The following SLC16A12 variants were observed in gnomAD, a reference collection of about 807,000 sequenced individuals.
The protein encoded by SLC16A12 is monocarboxylate transporter 12.
In SLC16A12, 17 loss-of-function variants were observed where a neutral mutation model predicts 42.4. That is an observed-to-expected ratio of 0.40 (90% confidence interval 0.27 to 0.60). SLC16A12 has a LOEUF of 0.60. Ranked by LOEUF, SLC16A12 falls within the 20% of genes least tolerant of loss-of-function variation. The probability of loss-of-function intolerance (pLI) is 0.42; values close to 1 mark genes in which losing one functional copy is unlikely to be tolerated. For synonymous variants in SLC16A12, 224 were observed against 229.4 expected, an observed-to-expected ratio of 0.98 and a Z score of 0.21; for missense variants, 544 against 623.0, an observed-to-expected ratio of 0.87 and a Z score of 1.35.
intron 2 of SLC16A12, among the ~76,000 whole-genome samples, chr10:89,492,596 T>C (rs1842862888): frequency 6.6e-6 from 1 of 152,118 alleles, no homozygotes; most frequent in Non-Finnish European, 1.5e-5. Context: ...AGAGTATTTT[T>C]AGTCTCTACT....
At position 89,487,964 on chromosome 10, in the gene SLC16A12, G is replaced by GTGTATATATATATA. The variant is rs1248310697; in HGVS notation, c.-46-25341_-46-25340insTATATATATATACA. On this transcript the variant is annotated intron_variant, in intron 2 of 7. Transcript: ENST00000371790. ...TGGATAAAGAAAATGTGGTGTGTGTGTATATATATATATATATATATATAT... is the reference window on the plus strand; with the variant it reads ...TGGATAAAGAAAATGTGGTGTGTGTGTGTATATATATATATATATATATATATATATATATATAT... 7.6e-4 allele frequency among the ~76,000 whole-genome samples: 96 copies of GTGTATATATATATA among 126,664 alleles called. 1 individual carries two copies. Among genetic ancestry groups the GTGTATATATATATA allele is most frequent in the Middle Eastern group, 4.1e-3 (1 of 242 alleles). 83.1% of individuals were successfully genotyped at this position (126,664 alleles called of 152,430 possible).
intron 2 of SLC16A12, among the ~76,000 whole-genome samples, chr10:89,545,461 A>G (rs971266270): frequency 4.6e-5 from 7 of 152,284 alleles, no homozygotes; most frequent in African/African-American, 1.7e-4. Context: ...ATGAACTCCC[A>G]TTCACAATTG....
At chr10:89,507,335 T>C (rs1013110561) in intron 2 of SLC16A12, among the ~76,000 whole-genome samples, 2 of 152,142 alleles carry the variant, frequency 1.3e-5, no homozygotes, top group Non-Finnish European at 2.9e-5. Context: ...AAAGGTCGGA[T>C]TACCCACAAA....
chr10:89,544,359 A>T (rs1302703328), intron 2 of SLC16A12, among the ~76,000 whole-genome samples: 1 of 152,176 alleles, frequency 6.6e-6, no homozygotes. Flanking sequence ...GAAGAAAAGG[A>T]GGTGATACAT....
At chr10:89,521,241 C>T (rs1843349504) in intron 2 of SLC16A12, among the ~76,000 whole-genome samples, 2 of 152,174 alleles carry the variant, frequency 1.3e-5, no homozygotes, top group Non-Finnish European at 2.9e-5. Context: ...TGTAACTGAT[C>T]CCAGTCCCAA....
At chr10:89,523,255 T>C (rs2133857896) in intron 2 of SLC16A12, among the ~76,000 whole-genome samples, 1 of 152,340 alleles carries the variant, frequency 6.6e-6, no homozygotes, top group South Asian at 2.1e-4. Context: ...TTACCACCCT[T>C]TCTGGCTCTC....
At position 89,462,381 on chromosome 10, in the gene SLC16A12, T is replaced by G. The variant is rs1842315732; in HGVS notation, c.198A>C (p.Thr66=). 1 of 1,614,048 alleles carries G rather than the reference T, an allele frequency of 6.2e-7. No homozygotes were observed. Among genetic ancestry groups the G allele is most frequent in the African/African-American group, 1.3e-5 (1 of 75,054 alleles). Reference sequence around the variant, plus strand: ...GTTAAGAAGAAAATCCTACCTACCTTGTGACTGCCCGTGTGCAGATGGTAA... The same window carrying G: ...GTTAAGAAGAAAATCCTACCTACCTGGTGACTGCCCGTGTGCAGATGGTAA... The part of the protein sequence containing the change: ...FLVTICTRAV[T]RCISIFFVEF... Residue 66 remains threonine (T), a splice_region_variant and synonymous_variant, in exon 3 of 8, where the codon ACA becomes ACC. Transcript: ENST00000371790.
chr10:89,465,622 T>C (rs1199377929), intron 2 of SLC16A12, among the ~76,000 whole-genome samples: 1 of 152,238 alleles, frequency 6.6e-6, no homozygotes, highest in Non-Finnish European at 1.5e-5. Context: ...AAAACTCTTA[T>C]TTTAAAAGAT....
chr10:89,501,076 C>T (rs1303175777), intron 2 of SLC16A12, among the ~76,000 whole-genome samples: 6 of 151,864 alleles, frequency 4.0e-5, no homozygotes, highest in African/African-American at 1.5e-4. Flanking sequence ...AAAAACAAAA[C>T]CTTAGGAATA....
intron 3 of SLC16A12, among the ~76,000 whole-genome samples, chr10:89,457,837 T>C (rs1683613205): frequency 6.6e-6 from 1 of 152,216 alleles, no homozygotes; most frequent in Non-Finnish European, 1.5e-5. Flanking sequence ...GTAATGCTAT[T>C]GTAATTTGTT....
chr10:89,538,165 T>C (rs1843692651), upstream of SLC16A12, among the ~76,000 whole-genome samples: 1 of 152,234 alleles, frequency 6.6e-6, no homozygotes. Context: ...GGGTGGAGAA[T>C]GTTGGACTGC....
chr10:89,454,617 A>G (rs1224754715), intron 3 of SLC16A12, among the ~76,000 whole-genome samples: 2 of 148,046 alleles, frequency 1.4e-5, no homozygotes, highest in Non-Finnish European at 3.0e-5. Context: ...CACATCACCC[A>G]TGATTTTTTT....
At chr10:89,448,862 C>G (rs143744232) in intron 3 of SLC16A12, among the ~76,000 whole-genome samples, 5 of 152,166 alleles carry the variant, frequency 3.3e-5, no homozygotes, top group Non-Finnish European at 7.4e-5. Context: ...AAAACCCCAT[C>G]GTCTCAGCCC....
rs549677198 is a variant in SLC16A12 at position 89,534,091 on chromosome 10, T to G, written c.-47+410A>C. On this transcript the variant is annotated intron_variant, in intron 2 of 7. Coordinates refer to ENST00000371790, the MANE Select transcript of SLC16A12 (RefSeq NM_213606.4). ...ATTTAGTAGATGGTCTCCAAAGCCT[T>G]TCAGTTTCAAAGTTTCTCTAAACCC... Among the ~76,000 whole-genome samples the G allele has an allele frequency of 2.0e-5, 3 of 152,318 alleles. No individual in the cohort carries two copies. In the South Asian group the frequency reaches 6.2e-4, roughly 32 times the overall value.
chr10:89,517,905 T>C lies in SLC16A12; in HGVS notation c.-47+16596A>G, dbSNP rs150785037. ...GGAAAAATTAAGAAACACTACTATA[T>C]TAAATATATACACCTAAGATGCCAA... On this transcript the variant is annotated intron_variant, in intron 2 of 7. Transcript: ENST00000371790. Among the ~76,000 whole-genome samples, 409 of 152,216 alleles carry C rather than the reference T, an allele frequency of 2.7e-3. 1 individual carries two copies. Among genetic ancestry groups the C allele is most frequent in the African/African-American group, 9.1e-3 (376 of 41,518 alleles).
At chr10:89,445,187 A>G (rs1439243409) in intron 3 of SLC16A12, among the ~76,000 whole-genome samples, 2 of 152,280 alleles carry the variant, frequency 1.3e-5, no homozygotes, top group Non-Finnish European at 2.9e-5. Context: ...AAACTTCTGC[A>G]GACTTAAATG....
intron 7 of SLC16A12, among the ~76,000 whole-genome samples, chr10:89,434,761 TA>T (rs1841751608): frequency 6.6e-6 from 1 of 152,230 alleles, no homozygotes; most frequent in Non-Finnish European, 1.5e-5. Flanking sequence ...AGTTTTAATT[TA>T]GGCAGATAAT....
At chr10:89,483,531 C>T (rs956901230) in intron 2 of SLC16A12, among the ~76,000 whole-genome samples, 3 of 152,002 alleles carry the variant, frequency 2.0e-5, no homozygotes, top group African/African-American at 7.3e-5. Flanking sequence ...ACTGCCCTGC[C>T]AACCATTATA....
In SLC16A12 at chr10:89,499,231, G is replaced by A. The variant is rs576220819; in HGVS notation, c.-47+35270C>T. ...CCAATTTAAGGAAATCAAAAAAAGC[G>A]ATATCAATGAAATAAATATTTTTAT... On this transcript the variant is annotated intron_variant, in intron 2 of 7. Coordinates refer to ENST00000371790, the MANE Select transcript of SLC16A12 (RefSeq NM_213606.4). Among the ~76,000 whole-genome samples, 13 of 152,220 alleles carry A rather than the reference G, an allele frequency of 8.5e-5. No individual in the cohort carries two copies. The East Asian group carries it at 9.7e-4, about 11-fold the overall frequency.
Sources: gnomAD v4.1 joint callset for allele counts (sites outside exome capture counted in the v4.1 genomes callset) on GRCh38, gnomAD v4.1.1 for gene constraint, MANE v1.5 for transcripts, NCBI Gene and HGNC (gene_info 2026-07-23, HGNC 2026-07-21) for gene names.